STK11: variants seen among roughly 807,000 people sequenced by gnomAD.
The protein encoded by STK11 is serine/threonine kinase 11.
STK11 carries 8 observed loss-of-function variants against 47.3 expected under a neutral mutation model. That is an observed-to-expected ratio of 0.17 (90% CI 0.10 to 0.31). The LOEUF is 0.31. Ranked by LOEUF, STK11 falls within the 10% of genes least tolerant of loss-of-function variation. The pLI, the probability that STK11 is intolerant of heterozygous loss-of-function variation, is 1.00. For missense variants in STK11, 475 were observed against 605.0 expected (o/e 0.79, Z 2.25); for synonymous variants, 330 against 255.8 (o/e 1.29, Z -2.77).
rs1253803683 is a variant in STK11, at chr19:1,226,607, G to A, written c.1262G>A (p.Ser421Asn). The A allele has an allele frequency of 3.8e-6, 6 of 1,560,936 alleles. No individual in the cohort carries two copies. Among genetic ancestry groups the A allele is most frequent in the Non-Finnish European group, 5.2e-6 (6 of 1,154,630 alleles). ...CCTGCCCGCAAGGCCTGCTCCGCCA[G>A]CAGCAAGATCCGCCGGCTGTCGGCC... Reference protein sequence around the residue: ...PNPARKACSASSKIRRLSACK... With the variant: ...PNPARKACSANSKIRRLSACK... The change falls in exon 9 of 10, where the codon AGC (serine) becomes AAC (asparagine). Residue 421 changes from serine to asparagine, a missense_variant. By Grantham distance (46) the Ser-to-Asn change is conservative. This residue lies in a region of STK11 where 219 missense variants were observed against 189.2 expected (regional missense o/e 1.16). Transcript: ENST00000326873.
chr19:1,216,619 C>T (rs1440770020), intron 1 of STK11, among the ~76,000 whole-genome samples: 1 of 151,584 alleles, frequency 6.6e-6, no homozygotes, highest in Middle Eastern at 3.4e-3. Context: ...GTCATCCCAG[C>T]GTTTTCCGAG....
At position 1,228,080 on chromosome 19, in the gene STK11, T is replaced by C. The variant is rs2080840938; in HGVS notation, c.*504T>C. ...TTTTCTTTTTTTTTTTAAGAAAAAA[T>C]AAAAGGTGGATTTGAGCTGTGGCTG... On this transcript the variant is annotated 3_prime_UTR_variant, in exon 10 of 10. Coordinates refer to ENST00000326873, the MANE Select transcript of STK11 (RefSeq NM_000455.5). The C allele has an allele frequency of 9.5e-7, 1 of 1,056,438 alleles. No individual in the cohort carries two copies. The highest frequency in any genetic ancestry group is 1.7e-5 in the African/African-American group (1 of 59,914). 65.4% of individuals were successfully genotyped at this position (1,056,438 alleles called of 1,614,324 possible).
At chr19:1,227,531 C>T (rs771934673) in intron 9 of STK11, 62 bp from the exon 10 acceptor site, 30 of 1,061,424 alleles carry the variant, frequency 2.8e-5, no homozygotes, top group Non-Finnish European at 3.2e-5. Flanking sequence ...CTCCCAGGGG[C>T]CCGCGGGAGG....
At chr19:1,219,439 G>A in intron 3 of STK11, 26 bp downstream of exon 3, 2 of 1,544,832 alleles carry the variant, frequency 1.3e-6, no homozygotes, top group Non-Finnish European at 1.7e-6. Flanking sequence ...AGGGGCCAGG[G>A]TGGGGCGGGG....
rs546776151 is a variant in STK11 at position 1,222,150 on chromosome 19, G to A, written c.920+144G>A. The A allele has an allele frequency of 2.4e-4, 242 of 1,018,058 alleles. 3 individuals are homozygous for A. In the South Asian group the frequency reaches 3.2e-3, roughly 14 times the overall value. The allele number at this position is 1,018,058 out of a possible 1,614,324, so 63.1% of individuals were successfully genotyped here. The stretch of plus-strand genomic sequence containing the variant: ...ACCCCGTGCAGCGCCCGCAGTTCTC[G>A]GGGCCCGAGTGGGGTCTCTGGGCAG... On this transcript the variant is annotated intron_variant, in intron 7 of 9. Coordinates refer to ENST00000326873, the MANE Select transcript of STK11 (RefSeq NM_000455.5).
At position 1,224,189 on chromosome 19, in the gene STK11, C is replaced by T. The variant is rs944886670; in HGVS notation, c.1108+1017C>T. 10 of 985,150 alleles carry T rather than the reference C, an allele frequency of 1.0e-5. No homozygotes were observed. In the African/African-American group the frequency reaches 1.2e-4, roughly 12 times the overall value. The allele number at this position is 985,150 out of a possible 1,614,324, so 61.0% of individuals were successfully genotyped here. A position where few individuals can be genotyped will look rare whatever the true frequency, so the allele number is the denominator to read the frequency against. ...CCCCGAGAGCACAGTGTATGGGGGT[C>T]CCCGGGGGGTACAGTGTCTGGGGGC... On this transcript the variant is annotated intron_variant, in intron 8 of 9. Transcript: ENST00000326873.
intron 7 of STK11, 26 bp from the exon 8 acceptor site, chr19:1,222,959 G>T: frequency 6.6e-7 from 1 of 1,522,858 alleles, no homozygotes. Context: ...AGCCTGACAG[G>T]CGCCACTGCT....
intron 1 of STK11, among the ~76,000 whole-genome samples, chr19:1,211,465 G>T (rs972415136): frequency 3.3e-5 from 5 of 152,074 alleles, no homozygotes; most frequent in South Asian, 2.1e-4. Flanking sequence ...GGTTCTGGGG[G>T]GGGGGGTGCA....
intron 7 of STK11, among the ~76,000 whole-genome samples, chr19:1,222,554 G>A (rs981077024): frequency 2.6e-5 from 4 of 152,176 alleles, no homozygotes; most frequent in Non-Finnish European, 5.9e-5. Context: ...GGGAGTGTCC[G>A]GACCCCTGAG....
At chr19:1,226,428 G>A (rs969059426) in intron 8 of STK11, 26 bp from the exon 9 acceptor site, 1 of 1,604,966 alleles carries the variant, frequency 6.2e-7, no homozygotes, top group Non-Finnish European at 8.5e-7. Context: ...CCTCAGCTCA[G>A]GCCACACTTG....
At chr19:1,224,731 C>A in intron 8 of STK11, 1 of 985,706 alleles carries the variant, frequency 1.0e-6, no homozygotes, top group Non-Finnish European at 1.2e-6. Flanking sequence ...CCACCTTTTT[C>A]ATGACCCTGC....
chr19:1,223,927 T>C (rs2080803710), intron 8 of STK11: 1 of 1,013,080 alleles, frequency 9.9e-7, no homozygotes, highest in Non-Finnish European at 1.2e-6. Flanking sequence ...GGGGGCTTTC[T>C]GCTTTACTGT....
In STK11 at chr19:1,227,760, GC is replaced by G; in HGVS notation, c.*187del. 9.3e-7 allele frequency: 1 copy of G among 1,073,982 alleles called. No homozygotes were observed. Among genetic ancestry groups the G allele is most frequent in the Non-Finnish European group, 1.1e-6 (1 of 884,624 alleles). The allele number at this position is 1,073,982 out of a possible 1,614,324, so 66.5% of individuals were successfully genotyped here. The stretch of plus-strand genomic sequence containing the variant: ...AGGGGGACAGCAGGGACCGGGCGCA[GC>G]CCTCCCCCCTCGGCCGCCCGGCAGT... On this transcript the variant is annotated 3_prime_UTR_variant, in exon 10 of 10. Coordinates refer to ENST00000326873, the MANE Select transcript of STK11 (RefSeq NM_000455.5).
intron 1 of STK11, among the ~76,000 whole-genome samples, 191 bp from the exon 2 acceptor site, chr19:1,218,226 C>A (rs1188395202): frequency 6.6e-6 from 1 of 152,236 alleles, no homozygotes; most frequent in Non-Finnish European, 1.5e-5. Context: ...GCTCCCACCC[C>A]CTACCGCCCT....
At chr19:1,225,362 T>C in intron 8 of STK11, 1 of 907,706 alleles carries the variant, frequency 1.1e-6, no homozygotes, top group Non-Finnish European at 1.3e-6. Flanking sequence ...AACCTCCACC[T>C]CCCGGATTCA....
At chr19:1,213,694 C>T (rs928086587) in intron 1 of STK11, among the ~76,000 whole-genome samples, 16 of 152,230 alleles carry the variant, frequency 1.1e-4, no homozygotes, top group African/African-American at 3.6e-4. Flanking sequence ...TTGGGCTGCT[C>T]CCGCCTCTGC....
In STK11 at chr19:1,228,316, A is replaced by G. The variant is rs1599934925; in HGVS notation, c.*740A>G. ...CGGTCAATATTTATATCATCCAGAA[A>G]AGAAAAACACGAGAAACGCCATCGC... On this transcript the variant is annotated 3_prime_UTR_variant, in exon 10 of 10. Coordinates refer to ENST00000326873, the MANE Select transcript of STK11 (RefSeq NM_000455.5). 7.6e-6 allele frequency: 2 copies of G among 262,486 alleles called. No individual in the cohort carries two copies. Among genetic ancestry groups the G allele is most frequent in the Non-Finnish European group, 1.4e-5 (2 of 145,216 alleles). 16.3% of individuals were successfully genotyped at this position (262,486 alleles called of 1,614,324 possible).
intron 1 of STK11, among the ~76,000 whole-genome samples, chr19:1,210,338 G>C (rs57065170): frequency 0.038 from 5,797 of 152,246 alleles, 395 homozygotes; most frequent in African/African-American, 0.13. Context: ...CTCAGATTGT[G>C]TCTCGCAGCG....
chr19:1,207,242 A>AGTCAC (rs1377849024), intron 1 of STK11, 39 bp downstream of exon 1: 3 of 1,559,410 alleles, frequency 1.9e-6, no homozygotes, highest in Non-Finnish European at 2.6e-6. Flanking sequence ...GGGCCGGGCC[A>AGTCAC]GTCACGGTGC....
Sources: allele counts gnomAD v4.1 joint callset (sites outside exome capture counted in the v4.1 genomes callset), GRCh38; gene constraint gnomAD v4.1.1; regional missense constraint gnomAD v4.1.1; transcripts MANE v1.5; gene names NCBI Gene and HGNC (gene_info 2026-07-23, HGNC 2026-07-21).